TSEN15: variants seen among roughly 807,000 people sequenced by gnomAD.
TSEN15 encodes tRNA-splicing endonuclease subunit Sen15.
TSEN15 carries 10 observed loss-of-function variants against 20.5 expected under a neutral mutation model. The ratio of observed to expected loss-of-function variants is 0.49; its 90% CI spans 0.30 to 0.83. The LOEUF is 0.83. Ranked by LOEUF, TSEN15 falls within the 40% of genes least tolerant of loss-of-function variation. TSEN15 has a pLI of 0.06. For synonymous variants in TSEN15, 72 were observed against 80.1 expected (o/e 0.90, Z 0.54); for missense variants, 180 against 218.6 (o/e 0.82, Z 1.11).
chr1:184,069,932 G>A (rs983337339), intron 3 of TSEN15, among the ~76,000 whole-genome samples: 2 of 151,836 alleles, frequency 1.3e-5, no homozygotes, highest in Non-Finnish European at 2.9e-5. Flanking sequence ...CACAATCACC[G>A]CCCCCTCCAA....
chr1:184,066,138 T>C (rs557353809), intron 3 of TSEN15, among the ~76,000 whole-genome samples: 8 of 152,300 alleles, frequency 5.3e-5, no homozygotes, highest in African/African-American at 1.9e-4. Context: ...CTGTGATCCA[T>C]TTTTAGTTAA....
At position 184,085,894 on chromosome 1, in the gene TSEN15, G is replaced by A. The variant is rs570667138; in HGVS notation, c.354-9796G>A. On this transcript the variant is annotated intron_variant, in intron 3 of 3. Coordinates refer to the TSEN15 transcript ENST00000643231. ...AGTAGTTCTGTCTGAGAACTGAGTA[G>A]TACTGACTAGTCAAGTCAGGACTAG... 2.6e-5 allele frequency among the ~76,000 whole-genome samples: 4 copies of A among 152,120 alleles called. No individual in the cohort carries two copies. The South Asian group carries it at 8.3e-4, about 32-fold the overall frequency.
At chr1:184,096,532 A>G (rs1408913789) in exon 4 of TSEN15, 1 of 152,294 alleles carries the variant, frequency 6.6e-6, no homozygotes, top group Non-Finnish European at 1.5e-5. Flanking sequence ...ACTTACAGGC[A>G]CATCAGGAAG....
At chr1:184,055,443 T>C (rs1650215663) in intron 3 of TSEN15, among the ~76,000 whole-genome samples, 1 of 152,112 alleles carries the variant, frequency 6.6e-6, no homozygotes, top group African/African-American at 2.4e-5. Context: ...ATTCAACAAG[T>C]ATTTATTTAG....
chr1:184,086,399 T>C (rs994585563), intron 3 of TSEN15, among the ~76,000 whole-genome samples: 4 of 152,146 alleles, frequency 2.6e-5, no homozygotes. Context: ...GGGGAAGATA[T>C]AGGGTATGGA....
intron 1 of TSEN15, among the ~76,000 whole-genome samples, chr1:184,053,785 G>A (rs1390500459): frequency 6.6e-6 from 1 of 152,164 alleles, no homozygotes; most frequent in Non-Finnish European, 1.5e-5. Context: ...GGGTAGAGAG[G>A]CTAGGACTGA....
At position 184,079,443 on chromosome 1, in the gene TSEN15, A is replaced by G. The variant is rs1444877634; in HGVS notation, c.354-16247A>G. Among the ~76,000 whole-genome samples the G allele has an allele frequency of 2.0e-5, 3 of 152,152 alleles. No homozygotes were observed. The East Asian group carries it at 5.8e-4, about 29-fold the overall frequency. On this transcript the variant is annotated intron_variant, in intron 3 of 3. Transcript: ENST00000643231. ...GAAATTTATCTCCTTACAGTTCTGGATGCTGGGAGTTCCAAATTAAGGTGC... is the reference window on the plus strand; with the variant it reads ...GAAATTTATCTCCTTACAGTTCTGGGTGCTGGGAGTTCCAAATTAAGGTGC...
chr1:184,094,108 C>T (rs1422814092), intron 3 of TSEN15: 1 of 152,082 alleles, frequency 6.6e-6, no homozygotes, highest in Admixed American at 6.6e-5. Flanking sequence ...CTTCATGCCC[C>T]CCCTCCGAAT....
chr1:184,057,792 C>T (rs1650301344), intron 3 of TSEN15, among the ~76,000 whole-genome samples: 1 of 152,080 alleles, frequency 6.6e-6, no homozygotes, highest in Non-Finnish European at 1.5e-5. Flanking sequence ...TCATATGCTT[C>T]TTTGAGAAGC....
chr1:184,058,408 C>T (rs936527125), intron 3 of TSEN15, among the ~76,000 whole-genome samples: 3 of 151,412 alleles, frequency 2.0e-5, no homozygotes, highest in Non-Finnish European at 4.4e-5. Flanking sequence ...TAGTGCATAA[C>T]ATTTTCTCAA....
chr1:184,094,269 A>G (rs1651410182), intron 3 of TSEN15: 1 of 152,290 alleles, frequency 6.6e-6, no homozygotes, highest in Non-Finnish European at 1.5e-5. Flanking sequence ...CATTTCTGAC[A>G]TCAGATCCCA....
At chr1:184,078,337 A>C (rs1651102778), downstream of TSEN15, among the ~76,000 whole-genome samples, 1 of 152,180 alleles carries the variant, frequency 6.6e-6, no homozygotes. Context: ...TGCAAGTTTT[A>C]TAGGCACTAG....
intron 3 of TSEN15, among the ~76,000 whole-genome samples, chr1:184,061,214 A>G (rs1330396834): frequency 6.6e-6 from 1 of 152,220 alleles, no homozygotes; most frequent in Non-Finnish European, 1.5e-5. Flanking sequence ...CTCTATTGTT[A>G]GAAACAAATT....
chr1:184,075,436 A>G (rs931557057), downstream of TSEN15, among the ~76,000 whole-genome samples: 3 of 152,148 alleles, frequency 2.0e-5, no homozygotes, highest in Admixed American at 1.3e-4. Context: ...CCTTAAGAAC[A>G]GAACAAGAAA....
downstream of TSEN15, among the ~76,000 whole-genome samples, chr1:184,078,120 T>C (rs893815168): frequency 1.3e-5 from 2 of 152,070 alleles, no homozygotes; most frequent in African/African-American, 2.4e-5. Flanking sequence ...TTTTAAGACT[T>C]TGCCACAGCC....
intron 3 of TSEN15, among the ~76,000 whole-genome samples, chr1:184,059,458 T>C (rs1384000813): frequency 6.6e-6 from 1 of 152,204 alleles, no homozygotes; most frequent in Non-Finnish European, 1.5e-5. Context: ...AAGGCCATCA[T>C]TGTTTTTACT....
At chr1:184,074,679 G>T (rs1454592064), downstream of TSEN15, among the ~76,000 whole-genome samples, 2 of 152,096 alleles carry the variant, frequency 1.3e-5, no homozygotes, top group Admixed American at 1.3e-4. Flanking sequence ...ACACACTAGG[G>T]TTTCATGGCT....
At chr1:184,064,115 A>G (rs1650561572) in intron 3 of TSEN15, among the ~76,000 whole-genome samples, 1 of 152,094 alleles carries the variant, frequency 6.6e-6, no homozygotes, top group South Asian at 2.1e-4. Flanking sequence ...TGGAGCTGAG[A>G]TGGACAGTCA....
intron 3 of TSEN15, among the ~76,000 whole-genome samples, chr1:184,091,394 A>G (rs1430700505): frequency 6.6e-6 from 1 of 151,934 alleles, no homozygotes; most frequent in Non-Finnish European, 1.5e-5. Flanking sequence ...ATATATATTT[A>G]GTATTTTTTA....
Sources: gnomAD v4.1 joint callset for allele counts (sites outside exome capture counted in the v4.1 genomes callset) on GRCh38, gnomAD v4.1.1 for gene constraint, MANE v1.5 for transcripts, NCBI Gene and HGNC (gene_info 2026-07-23, HGNC 2026-07-21) for gene names.